EPHA7: variants seen among roughly 807,000 people sequenced by gnomAD.
The protein encoded by EPHA7 is EPH receptor A7.
In EPHA7, 25 loss-of-function variants were observed where a neutral mutation model predicts 112.6. The observed-to-expected ratio is 0.22, with a 90% CI of 0.16 to 0.31. The LOEUF (loss-of-function observed/expected upper bound fraction) is 0.31. Among genes scored for constraint, EPHA7 ranks in the 10% least tolerant of loss-of-function variants. The pLI is 1.00. For synonymous variants in EPHA7, 437 were observed against 406.5 expected, an observed-to-expected ratio of 1.07 and a Z score of -0.90; for missense variants, 962 against 1,212.6, an observed-to-expected ratio of 0.79 and a Z score of 3.07.
chr6:93,303,694 C>G (rs1773108929), intron 5 of EPHA7, among the ~76,000 whole-genome samples: 2 of 152,048 alleles, frequency 1.3e-5, no homozygotes, highest in South Asian at 4.1e-4. Flanking sequence ...TAAGCTTTTA[C>G]TTGAGGTCTT....
chr6:93,299,257 C>T (rs1451236893), intron 5 of EPHA7, among the ~76,000 whole-genome samples: 1 of 151,516 alleles, frequency 6.6e-6, no homozygotes, highest in African/African-American at 2.4e-5. Context: ...ACCCGGGAGG[C>T]GGAGCTTGCA....
chr6:93,408,380 T>C (rs1055689812), intron 3 of EPHA7, among the ~76,000 whole-genome samples: 14 of 152,066 alleles, frequency 9.2e-5, no homozygotes, highest in Non-Finnish European at 1.6e-4. Flanking sequence ...TTTCATTGAA[T>C]TGATTAGTTC....
In EPHA7 at chr6:93,243,666, G is replaced by A. The variant is rs955085615; in HGVS notation, c.2883-126C>T. 3 of 664,344 alleles carry A rather than the reference G, an allele frequency of 4.5e-6. No individual in the cohort carries two copies. In the Admixed American group the frequency reaches 6.6e-5, roughly 15 times the overall value. 41.2% of individuals were successfully genotyped at this position (664,344 alleles called of 1,614,324 possible). A position where few individuals can be genotyped will look rare whatever the true frequency, so the allele number is the denominator to read the frequency against. On this transcript the variant is annotated intron_variant, in intron 16 of 16. Transcript: ENST00000369303. ...ATAGATCTTATCTTAGTGTTCTTGGGTATTATGATCACACCCCTGCAGCAG... is the reference window on the plus strand; with the variant it reads ...ATAGATCTTATCTTAGTGTTCTTGGATATTATGATCACACCCCTGCAGCAG...
At chr6:93,317,470 G>T (rs1773868291) in intron 5 of EPHA7, among the ~76,000 whole-genome samples, 1 of 152,074 alleles carries the variant, frequency 6.6e-6, no homozygotes, top group Non-Finnish European at 1.5e-5. Flanking sequence ...TTTTACATAT[G>T]AATTATAGCC....
chr6:93,374,839 A>C (rs1281274508), intron 3 of EPHA7, among the ~76,000 whole-genome samples: 1 of 152,200 alleles, frequency 6.6e-6, no homozygotes, highest in Non-Finnish European at 1.5e-5. Context: ...AGAACAATGT[A>C]AGAGTGTTTG....
chr6:93,324,522 C>T (rs749877198), intron 5 of EPHA7, among the ~76,000 whole-genome samples: 5 of 151,330 alleles, frequency 3.3e-5, no homozygotes, highest in Non-Finnish European at 5.9e-5. Flanking sequence ...TCACAGAACT[C>T]ATACAACATG....
intron 3 of EPHA7, among the ~76,000 whole-genome samples, chr6:93,364,839 T>C (rs955956943): frequency 6.6e-6 from 1 of 152,146 alleles, no homozygotes; most frequent in Non-Finnish European, 1.5e-5. Flanking sequence ...ATTTAGTATG[T>C]ATTTTTGGAG....
chr6:93,310,163 T>C (rs553321865), intron 5 of EPHA7, among the ~76,000 whole-genome samples: 1 of 152,334 alleles, frequency 6.6e-6, no homozygotes, highest in South Asian at 2.1e-4. Flanking sequence ...TGGAATAAAT[T>C]ACTTGGCCTA....
Position 93,245,459 on chromosome 6 carries a change from T to C in EPHA7, c.2727-6A>G, listed in dbSNP as rs1044853276. The C allele has an allele frequency of 1.9e-6, 3 of 1,603,222 alleles. No individual in the cohort carries two copies. The highest frequency in any genetic ancestry group is 2.5e-6 in the Non-Finnish European group (3 of 1,177,184). On this transcript the variant is annotated splice_region_variant and splice_polypyrimidine_tract_variant and intron_variant, in intron 15 of 16. Coordinates refer to ENST00000369303, the MANE Select transcript of EPHA7 (RefSeq NM_004440.4). ...CCAGAAGAGGGCTTATTGGCCTAGATAAAAATGAAACAGAAAAGCGAACAT... is the reference window on the plus strand; with the variant it reads ...CCAGAAGAGGGCTTATTGGCCTAGACAAAAATGAAACAGAAAAGCGAACAT...
chr6:93,244,267 G>A (rs551007272), intron 16 of EPHA7, among the ~76,000 whole-genome samples: 1 of 152,092 alleles, frequency 6.6e-6, no homozygotes, highest in African/African-American at 2.4e-5. Context: ...GGGTTTTCAG[G>A]GGTACAGATT....
At chr6:93,382,104 C>G (rs1376001108) in intron 3 of EPHA7, among the ~76,000 whole-genome samples, 1 of 152,074 alleles carries the variant, frequency 6.6e-6, no homozygotes, top group Non-Finnish European at 1.5e-5. Flanking sequence ...TAAAACTAAC[C>G]TCTCAAATGT....
rs187575054 is a variant in EPHA7, at chr6:93,246,067, T to C, written c.2727-614A>G. 3.3e-5 allele frequency among the ~76,000 whole-genome samples: 5 copies of C among 152,256 alleles called. No homozygotes were observed. In the East Asian group the frequency reaches 9.7e-4, roughly 29 times the overall value. The stretch of plus-strand genomic sequence containing the variant: ...AATTTTTTTTTCTTTTCTTTTTTTT[T>C]TGGAGACGGAGTCTCGCTCTGTCGC... On this transcript the variant is annotated intron_variant, in intron 15 of 16. Transcript: ENST00000369303.
At chr6:93,299,681 C>A (rs1230785715) in intron 5 of EPHA7, among the ~76,000 whole-genome samples, 1 of 152,052 alleles carries the variant, frequency 6.6e-6, no homozygotes, top group Admixed American at 6.6e-5. Flanking sequence ...GACAAATGCC[C>A]ACTGCAGCAC....
At chr6:93,337,526 T>G (rs535187023) in intron 5 of EPHA7, among the ~76,000 whole-genome samples, 3 of 152,290 alleles carry the variant, frequency 2.0e-5, no homozygotes, top group African/African-American at 7.2e-5. Flanking sequence ...AAAGAAAATC[T>G]ATTTTCAAAG....
At chr6:93,329,941 C>T (rs1160880326) in intron 5 of EPHA7, among the ~76,000 whole-genome samples, 2 of 151,188 alleles carry the variant, frequency 1.3e-5, no homozygotes, top group East Asian at 3.9e-4. Context: ...AATGTAAACT[C>T]TCACCTAAAG....
At chr6:93,247,528 C>A (rs757585636) in intron 14 of EPHA7, among the ~76,000 whole-genome samples, 3 of 151,994 alleles carry the variant, frequency 2.0e-5, no homozygotes, top group African/African-American at 4.8e-5. Context: ...AAGACAGGAG[C>A]GAGGTTGTAC....
chr6:93,358,400 C>A lies in EPHA7; in HGVS notation c.844G>T (p.Gly282Trp). The A allele has an allele frequency of 6.2e-7, 1 of 1,605,666 alleles. No individual in the cohort carries two copies. The highest frequency in any genetic ancestry group is 8.5e-7 in the Non-Finnish European group (1 of 1,175,392). The part of the protein sequence containing the change: ...KGDTCEPCGR[G>W]FYKSSSQDLQ... The stretch of plus-strand genomic sequence containing the variant: ...TCTTGAGAGGAAGACTTGTAGAACC[C>A]ACGGCCACAGGCTGGGAATGCAAAA... The change falls in exon 4 of 17, where the codon GGG (glycine) becomes TGG (tryptophan). Residue 282 changes from glycine (G) to tryptophan (W), a missense_variant. By Grantham distance (184) the Gly-to-Trp change is radical. Around this residue, in one of 3 missense-constraint regions of EPHA7, gnomAD observed 746 missense variants for 889.2 expected, o/e 0.84. Coordinates refer to ENST00000369303, the MANE Select transcript of EPHA7 (RefSeq NM_004440.4).
intron 5 of EPHA7, among the ~76,000 whole-genome samples, chr6:93,312,941 A>C (rs527905249): frequency 4.6e-5 from 7 of 152,278 alleles, no homozygotes; most frequent in African/African-American, 1.7e-4. Context: ...CACACACAGC[A>C]TTTATCAATT....
intron 5 of EPHA7, among the ~76,000 whole-genome samples, chr6:93,355,349 A>G (rs1222141896): frequency 1.3e-5 from 2 of 152,190 alleles, no homozygotes; most frequent in African/African-American, 4.8e-5. Context: ...GGTAAGTCTG[A>G]GATCATATAC....
Sources: gnomAD v4.1 joint callset for allele counts (sites outside exome capture counted in the v4.1 genomes callset) on GRCh38, gnomAD v4.1.1 for gene constraint, gnomAD v4.1.1 regional missense constraint, MANE v1.5 for transcripts, NCBI Gene and HGNC (gene_info 2026-07-23, HGNC 2026-07-21) for gene names.